The following NEBL variants were observed in gnomAD, a reference collection of about 807,000 sequenced individuals.
The protein encoded by NEBL is nebulette, also known as LIM and SH3 protein 2.
NEBL carries 122 observed loss-of-function variants against 140.2 expected under a neutral mutation model. The observed-to-expected ratio is 0.87, with a 90% CI of 0.75 to 1.01. The LOEUF (loss-of-function observed/expected upper bound fraction) is 1.01. Ranked by LOEUF, NEBL falls within the 50% of genes least tolerant of loss-of-function variation. The pLI, the probability that NEBL is intolerant of heterozygous loss-of-function variation, is 0.00. For synonymous variants in NEBL, 436 were observed against 398.9 expected (o/e 1.09, Z -1.11); for missense variants, 1,365 against 1,231.3 (o/e 1.11, Z -1.62).
At chr10:20,995,009 C>T (rs945867690) in intron 3 of NEBL, among the ~76,000 whole-genome samples, 2 of 152,096 alleles carry the variant, frequency 1.3e-5, no homozygotes, top group African/African-American at 4.8e-5. Flanking sequence ...AATTAACTTA[C>T]AAAAGTAACT....
intron 3 of NEBL, among the ~76,000 whole-genome samples, chr10:21,014,058 T>G (rs1838460088): frequency 6.6e-6 from 1 of 152,164 alleles, no homozygotes; most frequent in Non-Finnish European, 1.5e-5. Context: ...CCTTAAAACA[T>G]ACTTAAAATA....
At chr10:21,012,071 T>A (rs1195017182) in intron 3 of NEBL, among the ~76,000 whole-genome samples, 1 of 152,220 alleles carries the variant, frequency 6.6e-6, no homozygotes, top group Non-Finnish European at 1.5e-5. Context: ...TTTGGCAGTT[T>A]AATCTGCCTC....
chr10:20,854,995 C>CA (rs1842915975), intron 9 of NEBL, among the ~76,000 whole-genome samples: 1 of 151,996 alleles, frequency 6.6e-6, no homozygotes, highest in Non-Finnish European at 1.5e-5. Flanking sequence ...GAGGCAGAGA[C>CA]AGGCGGATCA....
chr10:20,879,220 G>A (rs555255971), intron 5 of NEBL, among the ~76,000 whole-genome samples: 1 of 152,306 alleles, frequency 6.6e-6, no homozygotes, highest in East Asian at 1.9e-4. Flanking sequence ...GCAGACTCAG[G>A]AGTTTGATTT....
At chr10:21,105,155 C>G (rs1410990816) in intron 2 of NEBL, among the ~76,000 whole-genome samples, 1 of 151,936 alleles carries the variant, frequency 6.6e-6, no homozygotes, top group African/African-American at 2.4e-5. Flanking sequence ...CATACGTGTT[C>G]ATGAAGAATA....
At chr10:21,144,761 T>C (rs1433908763) in intron 2 of NEBL, among the ~76,000 whole-genome samples, 2 of 151,862 alleles carry the variant, frequency 1.3e-5, no homozygotes, top group Admixed American at 6.6e-5. Context: ...CAGATTGGAA[T>C]AGGAAGAGCC....
chr10:21,028,775 T>A (rs1358299309), intron 2 of NEBL, among the ~76,000 whole-genome samples: 26 of 144,932 alleles, frequency 1.8e-4, no homozygotes, highest in East Asian at 4.0e-4. Context: ...CAATATAATT[T>A]AAAAAAAAAA....
At chr10:20,958,069 AT>A (rs750673049) in intron 4 of NEBL, among the ~76,000 whole-genome samples, 19 of 152,174 alleles carry the variant, frequency 1.2e-4, no homozygotes, top group Non-Finnish European at 2.2e-4. Context: ...CCCTGAATGC[AT>A]TGCTTGTAAA....
At chr10:20,833,641 G>T (rs747851376) in intron 14 of NEBL, among the ~76,000 whole-genome samples, 1 of 151,810 alleles carries the variant, frequency 6.6e-6, no homozygotes, top group Non-Finnish European at 1.5e-5. Flanking sequence ...TTGCCTCAAG[G>T]ATTCTTCTCC....
intron 26 of NEBL, among the ~76,000 whole-genome samples, chr10:20,790,560 C>T (rs1835864645): frequency 6.7e-6 from 1 of 149,778 alleles, no homozygotes; most frequent in African/African-American, 2.5e-5. Context: ...GAGATCATGC[C>T]ACTGCACTCC....
chr10:21,077,823 G>A (rs1157851776), intron 2 of NEBL, among the ~76,000 whole-genome samples: 1 of 151,844 alleles, frequency 6.6e-6, no homozygotes, highest in East Asian at 1.9e-4. Context: ...TCTACCCTGG[G>A]GTCAACATTG....
At chr10:21,030,204 G>A (rs956890678) in intron 2 of NEBL, 4 of 501,778 alleles carry the variant, frequency 8.0e-6, no homozygotes, top group Admixed American at 2.7e-5. Context: ...CTAGAATGAC[G>A]GCCTCGGGAG....
chr10:21,099,550 T>C (rs1052043895), intron 2 of NEBL, among the ~76,000 whole-genome samples: 1 of 152,208 alleles, frequency 6.6e-6, no homozygotes, highest in Non-Finnish European at 1.5e-5. Flanking sequence ...TATTTCATCT[T>C]GACTTCCTTT....
chr10:20,904,939 T>G (rs572100273), intron 4 of NEBL, among the ~76,000 whole-genome samples: 1 of 152,380 alleles, frequency 6.6e-6, no homozygotes, highest in South Asian at 2.1e-4. Context: ...TAACATGTCC[T>G]GTTTATGTGA....
intron 3 of NEBL, among the ~76,000 whole-genome samples, chr10:20,969,750 T>A (rs185878761): frequency 2.6e-5 from 4 of 152,066 alleles, no homozygotes; most frequent in Admixed American, 6.6e-5. Context: ...TTTGCCATGT[T>A]GCCAGGCTGG....
chr10:21,233,367 T>C (rs1026254677), intron 3 of NEBL, among the ~76,000 whole-genome samples: 3 of 152,120 alleles, frequency 2.0e-5, no homozygotes, highest in Non-Finnish European at 2.9e-5. Context: ...TCTCTTGACT[T>C]GCTCCAAACT....
upstream of NEBL, among the ~76,000 whole-genome samples, chr10:20,901,572 C>A (rs1016867977): frequency 6.6e-6 from 1 of 151,756 alleles, no homozygotes; most frequent in Non-Finnish European, 1.5e-5. Context: ...AAATTCAGTT[C>A]TGAGTGGGGG....
intron 2 of NEBL, among the ~76,000 whole-genome samples, chr10:21,104,000 T>C (rs1282335073): frequency 6.6e-6 from 1 of 152,212 alleles, no homozygotes; most frequent in Non-Finnish European, 1.5e-5. Context: ...TTGTTTTGTT[T>C]TCTTTTCATG....
chr10:21,117,097 C>T (rs754156045), intron 2 of NEBL, among the ~76,000 whole-genome samples: 3 of 152,096 alleles, frequency 2.0e-5, no homozygotes, highest in Non-Finnish European at 2.9e-5. Flanking sequence ...TGGATACAAC[C>T]TGTTCCTTCC....
Sources: gnomAD v4.1 joint callset for allele counts (sites outside exome capture counted in the v4.1 genomes callset) on GRCh38, gnomAD v4.1.1 for gene constraint, MANE v1.5 for transcripts, NCBI Gene and HGNC (gene_info 2026-07-23, HGNC 2026-07-21) for gene names.